NRG1: variants seen among roughly 807,000 people sequenced by gnomAD.
NRG1 encodes pro-neuregulin-1, membrane-bound isoform.
NRG1 carries 18 observed loss-of-function variants against 63.8 expected under a neutral mutation model. That is an observed-to-expected ratio of 0.28 (90% CI 0.19 to 0.42). The LOEUF is 0.42. NRG1 is among the 10% of genes least tolerant of loss of function. The pLI is 1.00. For missense variants in NRG1, 762 were observed against 814.7 expected, an observed-to-expected ratio of 0.94 and a Z score of 0.79; for synonymous variants, 302 against 301.3, an observed-to-expected ratio of 1.00 and a Z score of -0.02.
chr8:31,955,935 G>A (rs1804290389), intron 1 of NRG1, among the ~76,000 whole-genome samples: 1 of 151,210 alleles, frequency 6.6e-6, no homozygotes, highest in African/African-American at 2.4e-5. Flanking sequence ...CAGCTACCAG[G>A]GAGGCTGAGG....
At chr8:32,088,645 G>T (rs1337665965) in intron 1 of NRG1, among the ~76,000 whole-genome samples, 1 of 151,878 alleles carries the variant, frequency 6.6e-6, no homozygotes, top group African/African-American at 2.4e-5. Flanking sequence ...AGCCTTCTGA[G>T]TACCTGGGAC....
At chr8:31,665,520 G>A (rs28556775) in intron 1 of NRG1, among the ~76,000 whole-genome samples, 32,959 of 152,122 alleles carry the variant, frequency 0.22, 4,349 homozygotes, top group East Asian at 0.6. Context: ...AATGAGGTCA[G>A]CCAAACTATG....
intron 5 of NRG1, among the ~76,000 whole-genome samples, chr8:32,652,789 T>G (rs1188759919): frequency 1.3e-5 from 2 of 152,184 alleles, no homozygotes; most frequent in Admixed American, 6.5e-5. Context: ...AGTTTTTCTG[T>G]TTTTGGACAT....
chr8:32,438,469 A>G (rs1208294820), intron 1 of NRG1, among the ~76,000 whole-genome samples: 7 of 152,194 alleles, frequency 4.6e-5, no homozygotes, highest in Admixed American at 4.6e-4. Context: ...TGGGGAGATT[A>G]TAAATAAAGC....
At position 32,374,247 on chromosome 8, in the gene NRG1, C is replaced by T. The variant is rs552338786; in HGVS notation, c.38-221581C>T. Among the ~76,000 whole-genome samples, 132 of 152,190 alleles carry T rather than the reference C, an allele frequency of 8.7e-4. 1 individual carries two copies. Among genetic ancestry groups the T allele is most frequent in the Non-Finnish European group, 1.2e-3 (82 of 68,010 alleles). On this transcript the variant is annotated intron_variant, in intron 1 of 10. Transcript: ENST00000519301. ...TAGAGGTGCTGTCATTTTCCAGGAG[C>T]CAATAGAAAAACACATAAAAGCAGT... is the stretch of plus-strand genomic sequence containing the variant.
intron 1 of NRG1, among the ~76,000 whole-genome samples, chr8:32,446,262 C>G (rs1019856000): frequency 3.9e-5 from 6 of 152,152 alleles, no homozygotes; most frequent in African/African-American, 1.4e-4. Context: ...GATGCATATT[C>G]AGAAGCAGCC....
At chr8:31,776,900 G>A (rs900048295) in intron 1 of NRG1, among the ~76,000 whole-genome samples, 1 of 152,296 alleles carries the variant, frequency 6.6e-6, no homozygotes, top group Non-Finnish European at 1.5e-5. Flanking sequence ...AGTAACAGCA[G>A]GTTCTGGAGA....
At chr8:32,225,324 T>C (rs972600150) in intron 1 of NRG1, among the ~76,000 whole-genome samples, 3 of 152,298 alleles carry the variant, frequency 2.0e-5, no homozygotes, top group Non-Finnish European at 4.4e-5. Flanking sequence ...ATATGCCTAA[T>C]AGCTTTTCAG....
chr8:31,897,878 G>T (rs4289765), intron 1 of NRG1, among the ~76,000 whole-genome samples: 1 of 151,134 alleles, frequency 6.6e-6, no homozygotes, highest in African/African-American at 2.4e-5. Flanking sequence ...AAATGAGCTA[G>T]GCGTGGTGGT....
At chr8:32,503,591 G>A (rs896483551) in intron 1 of NRG1, among the ~76,000 whole-genome samples, 14 of 152,102 alleles carry the variant, frequency 9.2e-5, no homozygotes, top group African/African-American at 3.4e-4. Flanking sequence ...ATGTTAGTTT[G>A]ACTAGTAAGT....
chr8:32,281,608 G>T (rs1852857906), intron 1 of NRG1, among the ~76,000 whole-genome samples: 1 of 152,122 alleles, frequency 6.6e-6, no homozygotes, highest in African/African-American at 2.4e-5. Context: ...GTGAGAACAT[G>T]CAGTATTTGG....
rs1826613784 is a variant in NRG1, at chr8:32,742,624, C to G, written c.633-51C>G. On this transcript the variant is annotated intron_variant, in intron 6 of 11. Coordinates refer to ENST00000356819, the Ensembl canonical transcript of NRG1. This position sits in a 1 kb window ranked among gnomAD's most constrained non-coding sequence, Gnocchi z 4.2. ...GCTTCTTTCTAGCATATATTCACCT[C>G]TTCTCTTTTTCTCTGTTTTTCTACC... The G allele has an allele frequency of 6.4e-7, 1 of 1,554,588 alleles. No homozygotes were observed. The highest frequency in any genetic ancestry group is 2.2e-5 in the East Asian group (1 of 44,490).
intron 1 of NRG1, among the ~76,000 whole-genome samples, chr8:32,448,594 C>T (rs994997172): frequency 1.3e-5 from 2 of 152,172 alleles, no homozygotes; most frequent in Admixed American, 1.3e-4. Flanking sequence ...TGAAGTGCTC[C>T]TAAGGTAACC....
At chr8:32,462,656 T>A (rs1364567999) in intron 1 of NRG1, among the ~76,000 whole-genome samples, 4 of 148,212 alleles carry the variant, frequency 2.7e-5, no homozygotes, top group Non-Finnish European at 5.9e-5. Context: ...CAGGCTGGAG[T>A]TCAGTGGCGC....
intron 1 of NRG1, among the ~76,000 whole-genome samples, chr8:32,345,368 T>C (rs577732182): frequency 2.6e-5 from 4 of 152,310 alleles, no homozygotes; most frequent in African/African-American, 9.6e-5. Context: ...ATCTTCTTGA[T>C]ACTGAGGGCT....
At position 32,759,288 on chromosome 8, in the gene NRG1, G is replaced by C; in HGVS notation, c.922-18G>C. On this transcript the variant is annotated intron_variant, in intron 9 of 11. Coordinates refer to ENST00000356819, the Ensembl canonical transcript of NRG1. The stretch of plus-strand genomic sequence containing the variant: ...GAATCTACGTGAATCTTCAAGTTGT[G>C]TCTCTTTGTTTATCCAGCAATACGT... The C allele has an allele frequency of 6.2e-7, 1 of 1,610,244 alleles. No homozygotes were observed. Among genetic ancestry groups the C allele is most frequent in the Non-Finnish European group, 8.5e-7 (1 of 1,177,908 alleles).
At chr8:31,756,516 C>T (rs770317752) in intron 1 of NRG1, among the ~76,000 whole-genome samples, 5 of 152,070 alleles carry the variant, frequency 3.3e-5, no homozygotes, top group Admixed American at 2.0e-4. Flanking sequence ...TCATGGAAAG[C>T]GGAGAGCTAC....
At chr8:31,743,743 C>T (rs971733849) in intron 1 of NRG1, among the ~76,000 whole-genome samples, 2 of 151,968 alleles carry the variant, frequency 1.3e-5, no homozygotes. Context: ...CCAGCAGATC[C>T]TTTCTGTACT....
At chr8:32,538,481 A>C (rs1001120558) in intron 1 of NRG1, among the ~76,000 whole-genome samples, 1 of 152,206 alleles carries the variant, frequency 6.6e-6, no homozygotes, top group Non-Finnish European at 1.5e-5. Context: ...AATAAAGCAC[A>C]GAGTAGGTGA....
Sources: allele counts gnomAD v4.1 joint callset (sites outside exome capture counted in the v4.1 genomes callset), GRCh38; gene constraint gnomAD v4.1.1; non-coding constraint Gnocchi (gnomAD v3.1); transcripts MANE v1.5; gene names NCBI Gene and HGNC (gene_info 2026-07-23, HGNC 2026-07-21).